RGPD3: variants seen among roughly 807,000 people sequenced by gnomAD.
RGPD3 encodes the protein ranBP2-like and GRIP domain-containing protein 3.
Under a neutral mutation model 154.5 loss-of-function variants are expected in RGPD3, and 62 were observed. The ratio of observed to expected loss-of-function variants is 0.40; its 90% CI spans 0.33 to 0.50. The LOEUF (loss-of-function observed/expected upper bound fraction) is 0.50. Among genes scored for constraint, RGPD3 ranks in the 20% least tolerant of loss-of-function variants. The pLI, the probability that RGPD3 is intolerant of heterozygous loss-of-function variation, is 0.59. For synonymous variants in RGPD3, 308 were observed against 607.0 expected (o/e 0.51, Z 7.24); for missense variants, 919 against 1,716.8 (o/e 0.54, Z 8.21).
rs1676423758 is a variant in RGPD3 at position 106,403,575 on chromosome 2, T to A, written c.*1644A>T. ...TATTTCAAAACAAGTTTATACAGACTTCAAAAGGTCTCAAGTCAAAGAGAA... is the reference window on the plus strand; with the variant it reads ...TATTTCAAAACAAGTTTATACAGACATCAAAAGGTCTCAAGTCAAAGAGAA... On this transcript the variant is annotated 3_prime_UTR_variant, in exon 23 of 23. Transcript: ENST00000409886. Among the ~76,000 whole-genome samples the A allele has an allele frequency of 6.6e-6, 1 of 152,274 alleles. No homozygotes were observed. The highest frequency in any genetic ancestry group is 1.5e-5 in the Non-Finnish European group (1 of 68,058).
intron 1 of RGPD3, among the ~76,000 whole-genome samples, chr2:106,461,104 G>T (rs1353327359): frequency 1.2e-5 from 1 of 85,874 alleles, no homozygotes; most frequent in Non-Finnish European, 2.3e-5. Context: ...TGCAGTTTGG[G>T]GTGTCACAAC....
At chr2:106,432,203 AG>A (rs1677384071) in intron 17 of RGPD3, among the ~76,000 whole-genome samples, 1 of 149,018 alleles carries the variant, frequency 6.7e-6, no homozygotes, top group Non-Finnish European at 1.5e-5. Context: ...CTGTAATCCC[AG>A]CACTTTGGGA....
At chr2:106,445,003 A>G (rs1432907170) in intron 7 of RGPD3, among the ~76,000 whole-genome samples, 1 of 136,738 alleles carries the variant, frequency 7.3e-6, no homozygotes, top group African/African-American at 2.8e-5. Flanking sequence ...TCCATTAAAA[A>G]TAAGAACTAT....
chr2:106,449,531 G>A (rs1232551054), intron 6 of RGPD3, among the ~76,000 whole-genome samples: 2 of 149,384 alleles, frequency 1.3e-5, no homozygotes, highest in East Asian at 3.9e-4. Flanking sequence ...CATTTTTAAT[G>A]GATTACATTT....
chr2:106,441,759 G>C (rs930005619), intron 7 of RGPD3, among the ~76,000 whole-genome samples: 6 of 150,100 alleles, frequency 4.0e-5, no homozygotes, highest in African/African-American at 1.5e-4. Context: ...AGCTACACGG[G>C]AGGCTGAGGC....
chr2:106,405,248 A>G lies in RGPD3; in HGVS notation c.5267-19T>C. The G allele has an allele frequency of 6.2e-7, 1 of 1,606,570 alleles. No individual in the cohort carries two copies. Among genetic ancestry groups the G allele is most frequent in the East Asian group, 2.2e-5 (1 of 44,790 alleles). ...TCCTCACCTTTGGAAAGTAAAACAA[A>G]AAAAAAGAAAAAAGAGAGTATTAAA... is the stretch of plus-strand genomic sequence containing the variant. On this transcript the variant is annotated intron_variant, in intron 22 of 22. Coordinates refer to ENST00000409886, the MANE Select transcript of RGPD3 (RefSeq NM_001144013.2).
In RGPD3 at chr2:106,421,607, A is replaced by T. The variant is rs574753373; in HGVS notation, c.4924+1436T>A. Reference sequence around the variant, plus strand: ...CCACTCTAGTAGCCACACTTCTAAAAATGATCTGTGCAACATATATAATAT... The same window carrying T: ...CCACTCTAGTAGCCACACTTCTAAATATGATCTGTGCAACATATATAATAT... On this transcript the variant is annotated intron_variant, in intron 20 of 22. Coordinates refer to ENST00000409886, the MANE Select transcript of RGPD3 (RefSeq NM_001144013.2). Among the ~76,000 whole-genome samples, 4 of 152,044 alleles carry T rather than the reference A, an allele frequency of 2.6e-5. No individual in the cohort carries two copies. The East Asian group carries it at 7.8e-4, about 29-fold the overall frequency.
At position 106,467,872 on chromosome 2, in the gene RGPD3, G is replaced by A. The variant is rs1445488823; in HGVS notation, c.72+345C>T. Among the ~76,000 whole-genome samples the A allele has an allele frequency of 7.2e-5, 10 of 139,230 alleles. No homozygotes were observed. The South Asian group carries it at 2.2e-3, about 31-fold the overall frequency. The allele number at this position is 139,230 out of a possible 152,430, so 91.3% of individuals were successfully genotyped here. A position where few individuals can be genotyped will look rare whatever the true frequency, so the allele number is the denominator to read the frequency against. Reference sequence around the variant, plus strand: ...CGGGAGCCATGACGCCTGAGCCATCGAGGCCGCCGCAGGGCCAGGTCGAGG... The same window carrying A: ...CGGGAGCCATGACGCCTGAGCCATCAAGGCCGCCGCAGGGCCAGGTCGAGG... On this transcript the variant is annotated intron_variant, in intron 1 of 22. Transcript: ENST00000409886.
chr2:106,424,945 A>C lies in RGPD3; in HGVS notation c.3022T>G (p.Tyr1008Asp). The change falls in exon 20 of 23, where the codon TAC (tyrosine) becomes GAC (aspartate). Residue 1008 changes from tyrosine to aspartate, a missense_variant. Tyr to Asp is a radical substitution (Grantham distance 160). Coordinates refer to ENST00000409886, the MANE Select transcript of RGPD3 (RefSeq NM_001144013.2). Reference sequence around the variant, plus strand: ...TTTGCTTTATTGGCCATTTTACCGTATTGTGATGAGAATAATTTTTCTCCA... The same window carrying C: ...TTTGCTTTATTGGCCATTTTACCGTCTTGTGATGAGAATAATTTTTCTCCA... ...GAGEKLFSSQ[Y>D]GKMANKANTS... 1 of 1,611,890 alleles carries C rather than the reference A, an allele frequency of 6.2e-7. No individual in the cohort carries two copies. Among genetic ancestry groups the C allele is most frequent in the Non-Finnish European group, 8.5e-7 (1 of 1,179,826 alleles).
At chr2:106,445,264 G>A (rs1201581442) in intron 7 of RGPD3, among the ~76,000 whole-genome samples, 2 of 149,814 alleles carry the variant, frequency 1.3e-5, no homozygotes, top group African/African-American at 2.5e-5. Flanking sequence ...GCTCCAGCCT[G>A]GGCGACAGAG....
chr2:106,467,733 AGC>A (rs1379678850), intron 1 of RGPD3, among the ~76,000 whole-genome samples: 1 of 139,516 alleles, frequency 7.2e-6, no homozygotes, highest in African/African-American at 2.8e-5. Context: ...GCCTCAACAG[AGC>A]GCGCCAGGGA....
At chr2:106,451,229 T>C (rs1211575298) in intron 6 of RGPD3, among the ~76,000 whole-genome samples, 2 of 151,494 alleles carry the variant, frequency 1.3e-5, no homozygotes, top group Non-Finnish European at 1.5e-5. Context: ...AAATAAAACA[T>C]CCTACATGTT....
At chr2:106,468,133 T>A in intron 1 of RGPD3, 84 bp downstream of exon 1, 1 of 1,503,604 alleles carries the variant, frequency 6.7e-7, no homozygotes, top group South Asian at 1.2e-5. Flanking sequence ...CCATGACGCC[T>A]GAGCCATCGA....
At position 106,441,863 on chromosome 2, in the gene RGPD3, C is replaced by CAAAAAAAAAAAAA; in HGVS notation, c.979-496_979-484dup. ...TGGGTGAAAGAGTGAGACTCCATCG[C>CAAAAAAAAAAAAA]AAAAAAAAAAAAAAAAAAAAAAAAA... On this transcript the variant is annotated intron_variant, in intron 7 of 22. Coordinates refer to ENST00000409886, the MANE Select transcript of RGPD3 (RefSeq NM_001144013.2). Among the ~76,000 whole-genome samples the CAAAAAAAAAAAAA allele has an allele frequency of 4.2e-3, 57 of 13,638 alleles. 10 individuals are homozygous for CAAAAAAAAAAAAA. The highest frequency in any genetic ancestry group is 6.5e-3 in the Non-Finnish European group (53 of 8,118). The allele number at this position is 13,638 out of a possible 152,430, so 8.9% of individuals were successfully genotyped here.
At chr2:106,466,182 G>C (rs1387370289) in intron 1 of RGPD3, among the ~76,000 whole-genome samples, 44 of 152,196 alleles carry the variant, frequency 2.9e-4, no homozygotes, top group Admixed American at 1.9e-3. Flanking sequence ...GGAACAAGCC[G>C]GGAGAAAGAG....
At chr2:106,466,263 G>A (rs11689251) in intron 1 of RGPD3, among the ~76,000 whole-genome samples, 150,334 of 150,372 alleles carry the variant, frequency 1, 75,148 homozygotes, top group Middle Eastern at 1. Flanking sequence ...TGCAAGCGCC[G>A]CGCCGCCCAC....
chr2:106,441,188 T>A, intron 8 of RGPD3, 105 bp downstream of exon 8: 2 of 1,528,656 alleles, frequency 1.3e-6, no homozygotes, highest in Middle Eastern at 2.4e-4. Flanking sequence ...AAAGAAATAA[T>A]TTTGACAAAT....
At chr2:106,415,817 A>C (rs572704610) in intron 21 of RGPD3, 33 bp downstream of exon 21, 1 of 1,611,546 alleles carries the variant, frequency 6.2e-7, no homozygotes, top group Non-Finnish European at 8.5e-7. Context: ...CCAAACTGGC[A>C]GTTTTTATGG....
intron 20 of RGPD3, among the ~76,000 whole-genome samples, chr2:106,418,113 C>T (rs1268450509): frequency 3.5e-5 from 5 of 143,560 alleles, no homozygotes; most frequent in African/African-American, 5.1e-5. Context: ...GGTGACAGAG[C>T]AAGACTCCAG....
Sources: gnomAD v4.1 joint callset for allele counts (sites outside exome capture counted in the v4.1 genomes callset) on GRCh38, gnomAD v4.1.1 for gene constraint, MANE v1.5 for transcripts, NCBI Gene and HGNC (gene_info 2026-07-23, HGNC 2026-07-21) for gene names.